Variants in CPA6 observed in about 807,000 individuals in gnomAD.
The protein encoded by CPA6 is carboxypeptidase A6, also known as carboxypeptidase B.
CPA6 carries 58 observed loss-of-function variants against 63.3 expected under a neutral mutation model. The ratio of observed to expected loss-of-function variants is 0.92; its 90% confidence interval spans 0.74 to 1.14. The LOEUF is 1.14. Ranked by LOEUF, CPA6 falls within the 50% of genes most tolerant of loss-of-function variation. The pLI, the probability that CPA6 is intolerant of heterozygous loss-of-function variation, is 0.00. For missense variants in CPA6, 565 were observed against 526.6 expected (o/e 1.07, Z -0.71); for synonymous variants, 185 against 179.0 (o/e 1.03, Z -0.27).
chr8:67,736,919 C>T (rs2129003776), intron 1 of CPA6, among the ~76,000 whole-genome samples: 1 of 152,286 alleles, frequency 6.6e-6, no homozygotes, highest in African/African-American at 2.4e-5. Context: ...ATTCTACCTC[C>T]TAAATATTTA....
At chr8:67,740,790 G>A (rs1312084170) in intron 1 of CPA6, among the ~76,000 whole-genome samples, 5 of 152,038 alleles carry the variant, frequency 3.3e-5, no homozygotes, top group Admixed American at 6.6e-5. Flanking sequence ...GGATGGTCTC[G>A]AACTCCTGAC....
intron 6 of CPA6, among the ~76,000 whole-genome samples, chr8:67,486,292 A>G (rs1811474626): frequency 6.6e-6 from 1 of 152,258 alleles, no homozygotes; most frequent in African/African-American, 2.4e-5. Context: ...AATGGATTGC[A>G]TATGCCACTG....
chr8:67,456,682 C>T (rs943518639), intron 8 of CPA6, among the ~76,000 whole-genome samples: 1 of 152,176 alleles, frequency 6.6e-6, no homozygotes, highest in African/African-American at 2.4e-5. Flanking sequence ...AATGGCCCCC[C>T]AAAATCACCA....
rs1216591422 is a variant in CPA6, at chr8:67,541,935, TC to T, written c.193-23889del. 2.0e-5 allele frequency among the ~76,000 whole-genome samples: 3 copies of T among 152,344 alleles called. No homozygotes were observed. The East Asian group carries it at 5.8e-4, about 29-fold the overall frequency. ...ACTGGGAGCTGCGGACGAGAGCTGT[TC>T]CTATTTGGGCATCTTGCCCGGGTTG... On this transcript the variant is annotated intron_variant, in intron 2 of 10. Coordinates refer to ENST00000297770, the MANE Select transcript of CPA6 (RefSeq NM_020361.5).
At chr8:67,544,632 C>T (rs1023872360) in intron 2 of CPA6, among the ~76,000 whole-genome samples, 1 of 152,194 alleles carries the variant, frequency 6.6e-6, no homozygotes, top group African/African-American at 2.4e-5. Flanking sequence ...TTTCTTGAGA[C>T]ATCATGCTGC....
intron 2 of CPA6, among the ~76,000 whole-genome samples, chr8:67,585,346 T>C (rs1813898427): frequency 6.6e-6 from 1 of 152,156 alleles, no homozygotes; most frequent in African/African-American, 2.4e-5. Flanking sequence ...TAGCAGTAAT[T>C]GGTAGGCAAG....
At chr8:67,634,290 G>A (rs1815417974) in intron 1 of CPA6, among the ~76,000 whole-genome samples, 1 of 149,476 alleles carries the variant, frequency 6.7e-6, no homozygotes, top group Non-Finnish European at 1.5e-5. Flanking sequence ...CACTATCTCG[G>A]CTCACTACAA....
chr8:67,640,860 A>G (rs1389911001), intron 1 of CPA6, among the ~76,000 whole-genome samples: 1 of 151,090 alleles, frequency 6.6e-6, no homozygotes, highest in African/African-American at 2.5e-5. Flanking sequence ...TGAACCCGAC[A>G]CTCCTGGGGC....
intron 1 of CPA6, among the ~76,000 whole-genome samples, chr8:67,732,934 C>T (rs946063163): frequency 2.8e-4 from 43 of 152,088 alleles, no homozygotes; most frequent in African/African-American, 8.2e-4. Context: ...TGGTGGCTCA[C>T]GCCTGTAATC....
At chr8:67,584,116 C>A (rs1488579969) in intron 2 of CPA6, among the ~76,000 whole-genome samples, 2 of 152,104 alleles carry the variant, frequency 1.3e-5, no homozygotes, top group Non-Finnish European at 2.9e-5. Context: ...TGAGATCGCA[C>A]CACAGCATTC....
Position 67,587,696 on chromosome 8 carries a change from G to A in CPA6, c.192+36480C>T, listed in dbSNP as rs1188459333. Among the ~76,000 whole-genome samples, 3 of 152,132 alleles carry A rather than the reference G, an allele frequency of 2.0e-5. No individual in the cohort carries two copies. In the East Asian group the frequency reaches 5.8e-4, roughly 29 times the overall value. ...AGCTCCTGTTAGTGGTCGGGGCTGG[G>A]TTTAACTATGTGGTTGGCATGTGTT... On this transcript the variant is annotated intron_variant, in intron 2 of 10. Transcript: ENST00000297770.
At chr8:67,628,692 T>C (rs1034442337) in intron 1 of CPA6, among the ~76,000 whole-genome samples, 10 of 152,380 alleles carry the variant, frequency 6.6e-5, no homozygotes, top group Non-Finnish European at 1.2e-4. Flanking sequence ...TATAATAAGT[T>C]CTTGATTAAC....
At chr8:67,652,387 C>A (rs1200458270) in intron 1 of CPA6, among the ~76,000 whole-genome samples, 2 of 150,742 alleles carry the variant, frequency 1.3e-5, no homozygotes, top group Non-Finnish European at 1.5e-5. Flanking sequence ...TATTTCTCCA[C>A]ATCTTCTCCA....
chr8:67,558,241 A>G (rs951643400), intron 2 of CPA6, among the ~76,000 whole-genome samples: 1 of 152,182 alleles, frequency 6.6e-6, no homozygotes, highest in Non-Finnish European at 1.5e-5. Context: ...TAAGCTCATT[A>G]TCACCTTTCT....
At chr8:67,448,107 T>G (rs1242863582) in intron 8 of CPA6, among the ~76,000 whole-genome samples, 1 of 152,208 alleles carries the variant, frequency 6.6e-6, no homozygotes, top group Admixed American at 6.5e-5. Context: ...TTACTGGAAG[T>G]GTGCTTGTGT....
At chr8:67,730,621 C>T (rs1022120194) in intron 1 of CPA6, among the ~76,000 whole-genome samples, 13 of 152,140 alleles carry the variant, frequency 8.5e-5, no homozygotes, top group African/African-American at 2.4e-4. Flanking sequence ...AGCTCCCATC[C>T]GAAGGCTATC....
At chr8:67,719,152 A>G (rs1487043138) in intron 1 of CPA6, among the ~76,000 whole-genome samples, 2 of 152,212 alleles carry the variant, frequency 1.3e-5, no homozygotes, top group African/African-American at 4.8e-5. Flanking sequence ...GCCCTATGAA[A>G]GGCATATAAA....
intron 1 of CPA6, among the ~76,000 whole-genome samples, chr8:67,703,026 T>C (rs1817058054): frequency 6.6e-6 from 1 of 152,202 alleles, no homozygotes; most frequent in East Asian, 1.9e-4. Context: ...TTCTTTCCTC[T>C]GAGGAGGCAA....
At chr8:67,708,511 C>T (rs1817188377) in intron 1 of CPA6, among the ~76,000 whole-genome samples, 1 of 152,132 alleles carries the variant, frequency 6.6e-6, no homozygotes, top group African/African-American at 2.4e-5. Flanking sequence ...GAGGGATGGG[C>T]CATCAAACTC....
Sources: allele counts gnomAD v4.1 joint callset (sites outside exome capture counted in the v4.1 genomes callset), GRCh38; gene constraint gnomAD v4.1.1; transcripts MANE v1.5; gene names NCBI Gene and HGNC (gene_info 2026-07-23, HGNC 2026-07-21).